The following ERP44 variants were observed in gnomAD, a reference collection of about 807,000 sequenced individuals.
ERP44 encodes the protein endoplasmic reticulum protein 44.
ERP44 carries 25 observed loss-of-function variants against 53.4 expected under a neutral mutation model. The ratio of observed to expected loss-of-function variants is 0.47; its 90% confidence interval spans 0.34 to 0.65. ERP44 has a LOEUF of 0.65. Among genes scored for constraint, ERP44 ranks in the 30% least tolerant of loss-of-function variants. ERP44 has a pLI of 0.01. For synonymous variants in ERP44, 145 were observed against 161.2 expected (o/e 0.90, Z 0.76); for missense variants, 338 against 493.2 (o/e 0.69, Z 2.98).
chr9:100,030,825 C>A (rs556380969), intron 4 of ERP44, among the ~76,000 whole-genome samples: 2 of 152,250 alleles, frequency 1.3e-5, no homozygotes, highest in Non-Finnish European at 2.9e-5. Flanking sequence ...AGTGTCACTG[C>A]AATAAGTAGG....
At chr9:100,063,757 T>C (rs1268873731) in intron 1 of ERP44, among the ~76,000 whole-genome samples, 3 of 152,234 alleles carry the variant, frequency 2.0e-5, no homozygotes, top group African/African-American at 7.2e-5. Flanking sequence ...ACTTAGGAAG[T>C]ATTTTACAAC....
intron 9 of ERP44, among the ~76,000 whole-genome samples, chr9:100,007,271 G>T (rs1038937390): frequency 1.3e-5 from 2 of 152,186 alleles, no homozygotes; most frequent in African/African-American, 4.8e-5. Context: ...AATGTCCATT[G>T]GAAAAGGGGT....
At chr9:100,092,688 G>A (rs1453516299) in intron 1 of ERP44, among the ~76,000 whole-genome samples, 1 of 152,030 alleles carries the variant, frequency 6.6e-6, no homozygotes, top group East Asian at 1.9e-4. Context: ...TTGAAAAGAA[G>A]ACACATAACA....
intron 11 of ERP44, among the ~76,000 whole-genome samples, chr9:99,983,539 G>A (rs1192000043): frequency 7.7e-5 from 10 of 129,564 alleles, no homozygotes; most frequent in Admixed American, 3.5e-4. Flanking sequence ...GCGACAGAGC[G>A]AGACTCCGTC....
chr9:100,029,909 G>A (rs962724466), intron 4 of ERP44, among the ~76,000 whole-genome samples: 4 of 152,094 alleles, frequency 2.6e-5, no homozygotes, highest in Admixed American at 6.5e-5. Context: ...CCAACATGGC[G>A]AAACCCCGTC....
chr9:100,026,633 T>A (rs1338497528), intron 4 of ERP44, among the ~76,000 whole-genome samples: 5 of 152,160 alleles, frequency 3.3e-5, no homozygotes, highest in African/African-American at 1.2e-4. Context: ...TCAGTAATAA[T>A]AAAAATGTTT....
intron 4 of ERP44, among the ~76,000 whole-genome samples, chr9:100,044,015 A>G (rs1825940804): frequency 6.6e-6 from 1 of 151,934 alleles, no homozygotes; most frequent in African/African-American, 2.4e-5. Context: ...TGTTTATCAC[A>G]TATGAATTAA....
intron 4 of ERP44, among the ~76,000 whole-genome samples, chr9:100,044,827 C>G (rs1173311064): frequency 6.6e-6 from 1 of 152,046 alleles, no homozygotes; most frequent in Non-Finnish European, 1.5e-5. Flanking sequence ...TTCAAACTTA[C>G]CAAAAAATTG....
chr9:100,045,976 T>C (rs1457283675), intron 4 of ERP44, among the ~76,000 whole-genome samples: 2 of 152,178 alleles, frequency 1.3e-5, no homozygotes, highest in African/African-American at 2.4e-5. Flanking sequence ...CTATGGACTG[T>C]ATTTATAAAA....
At position 100,068,501 on chromosome 9, in the gene ERP44, C is replaced by T. The variant is rs1182420831; in HGVS notation, c.58-8329G>A. On this transcript the variant is annotated intron_variant, in intron 1 of 11. Coordinates refer to ENST00000262455, the MANE Select transcript of ERP44 (RefSeq NM_015051.3). Reference sequence around the variant, plus strand: ...AGGAGCCCCTCTGCCCGGCCAGCCGCCCCGTCCGGGAGGGAGGTGGGGGTT... The same window carrying T: ...AGGAGCCCCTCTGCCCGGCCAGCCGTCCCGTCCGGGAGGGAGGTGGGGGTT... Among the ~76,000 whole-genome samples, 180 of 144,536 alleles carry T rather than the reference C, an allele frequency of 1.2e-3. 1 individual carries two copies. The highest frequency in any genetic ancestry group is 3.2e-3 in the Admixed American group (48 of 14,864). The allele number at this position is 144,536 out of a possible 152,430, so 94.8% of individuals were successfully genotyped here. A position where few individuals can be genotyped will look rare whatever the true frequency, so the allele number is the denominator to read the frequency against.
chr9:99,998,504 C>T, intron 10 of ERP44: 2 of 715,328 alleles, frequency 2.8e-6, no homozygotes, highest in Admixed American at 2.0e-5. Context: ...CCTCGGAGCC[C>T]CGCTGTCCCG....
intron 1 of ERP44, among the ~76,000 whole-genome samples, chr9:100,063,007 G>A (rs537757621): frequency 3.6e-5 from 5 of 140,756 alleles, no homozygotes; most frequent in Admixed American, 1.5e-4. Context: ...CCAGAAGTTC[G>A]AGTTTGCAGT....
intron 3 of ERP44, among the ~76,000 whole-genome samples, chr9:100,057,593 A>G (rs1826098950): frequency 6.6e-6 from 1 of 152,196 alleles, no homozygotes; most frequent in Admixed American, 6.5e-5. Context: ...TTTGAGTTAT[A>G]TGTTACTTGT....
intron 4 of ERP44, 77 bp from the exon 5 acceptor site, chr9:100,022,303 A>T: frequency 8.4e-7 from 1 of 1,191,260 alleles, no homozygotes; most frequent in Non-Finnish European, 1.1e-6. Flanking sequence ...CAAAAATCTT[A>T]CAATTGCTTA....
chr9:100,044,006 G>A (rs1825940749), intron 4 of ERP44, among the ~76,000 whole-genome samples: 1 of 152,066 alleles, frequency 6.6e-6, no homozygotes, highest in African/African-American at 2.4e-5. Context: ...TCTCATAAAT[G>A]TTTATCACAT....
intron 10 of ERP44, among the ~76,000 whole-genome samples, chr9:99,988,168 A>G (rs1222480913): frequency 6.6e-6 from 1 of 152,256 alleles, no homozygotes; most frequent in African/African-American, 2.4e-5. Flanking sequence ...TAAAAAATAT[A>G]TACTAATGAT....
At chr9:100,003,877 G>A (rs1046463154) in intron 10 of ERP44, among the ~76,000 whole-genome samples, 5 of 152,292 alleles carry the variant, frequency 3.3e-5, no homozygotes, top group Admixed American at 2.0e-4. Flanking sequence ...TGGAGCTTCC[G>A]TCCATGGAGA....
intron 4 of ERP44, among the ~76,000 whole-genome samples, chr9:100,024,654 A>T (rs1166753195): frequency 6.6e-6 from 1 of 152,150 alleles, no homozygotes; most frequent in Non-Finnish European, 1.5e-5. Flanking sequence ...TGTCATTGTT[A>T]TTTTGAAATT....
chr9:100,093,650 G>T (rs906498624), intron 1 of ERP44, among the ~76,000 whole-genome samples: 1 of 151,256 alleles, frequency 6.6e-6, no homozygotes, highest in Non-Finnish European at 1.5e-5. Context: ...CTGTGGGGGG[G>T]GAAAAAAAAA....
Sources: gnomAD v4.1 joint callset for allele counts (sites outside exome capture counted in the v4.1 genomes callset) on GRCh38, gnomAD v4.1.1 for gene constraint, MANE v1.5 for transcripts, NCBI Gene and HGNC (gene_info 2026-07-23, HGNC 2026-07-21) for gene names.